MDM2: variants seen among roughly 807,000 people sequenced by gnomAD.
MDM2 encodes E3 ubiquitin-protein ligase Mdm2.
In MDM2, 11 loss-of-function variants were observed where a neutral mutation model predicts 64.3. That is an observed-to-expected ratio of 0.17 (90% CI 0.11 to 0.28). The LOEUF (loss-of-function observed/expected upper bound fraction) is 0.28, where lower values mean the gene tolerates loss of function less well. Ranked by LOEUF, MDM2 falls within the 10% of genes least tolerant of loss-of-function variation. MDM2 has a pLI of 1.00. For missense variants in MDM2, 388 were observed against 577.1 expected (o/e 0.67, Z 3.36); for synonymous variants, 194 against 192.9 (o/e 1.01, Z -0.05).
intron 4 of MDM2, 119 bp from the exon 5 acceptor site, chr12:68,820,206 G>T: frequency 1.5e-6 from 1 of 662,494 alleles, no homozygotes; most frequent in Non-Finnish European, 2.5e-6. Flanking sequence ...ATTTGGTTTT[G>T]AATGTGTGCA....
intron 4 of MDM2, 36 bp downstream of exon 4, chr12:68,816,981 C>T (rs1301652864): frequency 6.2e-7 from 1 of 1,603,222 alleles, no homozygotes; most frequent in South Asian, 1.1e-5. Flanking sequence ...AAAAAGCCAT[C>T]TGGGCTAACA....
intron 2 of MDM2, 75 bp downstream of exon 2, chr12:68,809,367 C>A: frequency 7.9e-7 from 1 of 1,271,488 alleles, no homozygotes; most frequent in South Asian, 1.2e-5. Flanking sequence ...TCGTATACCT[C>A]AATTGTAGCA....
downstream of MDM2, chr12:68,846,668 A>C (rs1884316309): frequency 6.6e-6 from 1 of 152,194 alleles, no homozygotes; most frequent in South Asian, 2.1e-4. Context: ...TTTGGATTTT[A>C]TCTCTGATGT....
chr12:68,832,192 A>G (rs377752587), intron 8 of MDM2, among the ~76,000 whole-genome samples: 17 of 152,144 alleles, frequency 1.1e-4, no homozygotes, highest in Admixed American at 7.2e-4. Context: ...TGTAGTCATC[A>G]TTGGGTGTCA....
At chr12:68,846,242 C>G (rs957576534), downstream of MDM2, 1 of 151,496 alleles carries the variant, frequency 6.6e-6, no homozygotes, top group African/African-American at 2.5e-5. Context: ...CGTGAGCCAC[C>G]GTGCCCGGCC....
intron 8 of MDM2, among the ~76,000 whole-genome samples, chr12:68,829,537 G>A (rs760454147): frequency 1.3e-5 from 2 of 152,034 alleles, no homozygotes; most frequent in South Asian, 2.1e-4. Flanking sequence ...AGGCTGAGGC[G>A]GGTGGATCAC....
intron 8 of MDM2, among the ~76,000 whole-genome samples, chr12:68,835,493 T>C (rs1883229767): frequency 6.6e-6 from 1 of 152,258 alleles, no homozygotes; most frequent in South Asian, 2.1e-4. Context: ...GTAGGTACTT[T>C]CGATGCCAAG....
In MDM2 at chr12:68,839,488, A is replaced by T. The variant is rs1883575145; in HGVS notation, c.1133A>T (p.Glu378Val). 6.2e-7 allele frequency: 1 copy of T among 1,614,054 alleles called. No homozygotes were observed. Among genetic ancestry groups the T allele is most frequent in the African/African-American group, 1.3e-5 (1 of 75,024 alleles). Residue 378 changes from glutamate (E) to valine (V), a missense_variant, in exon 11 of 11, where the codon GAG becomes GTG. Physicochemically the swap from Glu to Val is moderately radical, Grantham distance 121 (BLOSUM62 -2). Transcript: ENST00000258149. Reference sequence around the variant, plus strand: ...AAAACTATAGTGAATGATTCCAGAGAGTCATGTGTTGAGGAAAATGATGAT... The same window carrying T: ...AAAACTATAGTGAATGATTCCAGAGTGTCATGTGTTGAGGAAAATGATGAT... ...CKKTIVNDSR[E>V]SCVEENDDKI...
intron 3 of MDM2, among the ~76,000 whole-genome samples, chr12:68,814,139 G>A (rs1228353900): frequency 2.0e-5 from 3 of 152,112 alleles, no homozygotes; most frequent in African/African-American, 2.4e-5. Flanking sequence ...TGCAACCTCC[G>A]CCTCCTAGAT....
chr12:68,816,072 T>A (rs949832862), intron 3 of MDM2, among the ~76,000 whole-genome samples: 1 of 152,178 alleles, frequency 6.6e-6, no homozygotes, highest in Non-Finnish European at 1.5e-5. Flanking sequence ...TTTTTCTGTC[T>A]TCCTCCTCTG....
chr12:68,840,080 A>T lies in MDM2; in HGVS notation c.*231A>T. The stretch of plus-strand genomic sequence containing the variant: ...CAACTCCTAATTTTAAATAATTTCT[A>T]CTCTGTCTTAAATGAGAAGTACTTG... On this transcript the variant is annotated 3_prime_UTR_variant, in exon 11 of 11. Transcript: ENST00000258149. The T allele has an allele frequency of 4.3e-6, 2 of 464,240 alleles. No individual in the cohort carries two copies. Among genetic ancestry groups the T allele is most frequent in the Non-Finnish European group, 7.5e-6 (2 of 266,514 alleles). 28.8% of individuals were successfully genotyped at this position (464,240 alleles called of 1,614,324 possible). A position where few individuals can be genotyped will look rare whatever the true frequency, so the allele number is the denominator to read the frequency against.
In MDM2 at chr12:68,808,266, C is replaced by T; in HGVS notation, c.-212C>T. On this transcript the variant is annotated 5_prime_UTR_variant, in exon 1 of 11. Coordinates refer to ENST00000258149, the MANE Select transcript of MDM2 (RefSeq NM_002392.6). ...GGAAAGATGGAGCAAGAAGCCGAGC[C>T]CGAGGGGCGGCCGCGACCCCTCTGA... 6 of 610,522 alleles carry T rather than the reference C, an allele frequency of 9.8e-6. No individual in the cohort carries two copies. The highest frequency in any genetic ancestry group is 1.7e-5 in the Non-Finnish European group (6 of 347,770). The allele number at this position is 610,522 out of a possible 1,614,324, so 37.8% of individuals were successfully genotyped here.
chr12:68,818,970 G>A (rs1417615382), intron 4 of MDM2, among the ~76,000 whole-genome samples: 1 of 152,054 alleles, frequency 6.6e-6, no homozygotes, highest in Non-Finnish European at 1.5e-5. Context: ...GACTTCAAGT[G>A]ATCTGCCTGT....
rs996214975 is a variant in MDM2 at position 68,839,470 on chromosome 12, T to C, written c.1115T>C (p.Ile372Thr). ...GFDVPDCKKTIVNDSRESCVE... is the reference protein window; with the variant it reads ...GFDVPDCKKTTVNDSRESCVE... ...GATGTTCCTGATTGTAAAAAAACTA[T>C]AGTGAATGATTCCAGAGAGTCATGT... Residue 372 changes from isoleucine to threonine, a missense_variant, in exon 11 of 11, where the codon ATA becomes ACA. Ile to Thr is a moderately conservative substitution (Grantham distance 89). Around this residue, in one of 5 missense-constraint regions of MDM2, gnomAD observed 138 missense variants for 143.7 expected, o/e 0.96. Transcript: ENST00000258149. The C allele has an allele frequency of 2.5e-6, 4 of 1,613,856 alleles. No individual in the cohort carries two copies. The highest frequency in any genetic ancestry group is 1.3e-5 in the African/African-American group (1 of 74,956).
At chr12:68,820,395 A>G (rs564386941) in intron 5 of MDM2, 21 bp downstream of exon 5, 3 of 1,578,170 alleles carry the variant, frequency 1.9e-6, no homozygotes, top group South Asian at 1.1e-5. Flanking sequence ...TTTGAGCATC[A>G]TGGATAAATA....
chr12:68,817,726 G>A (rs1881502749), intron 4 of MDM2, among the ~76,000 whole-genome samples: 1 of 151,962 alleles, frequency 6.6e-6, no homozygotes, highest in Non-Finnish European at 1.5e-5. Flanking sequence ...CTGCACTCCA[G>A]CCTGGGCAAC....
intron 5 of MDM2, among the ~76,000 whole-genome samples, chr12:68,820,962 T>G (rs1314734549): frequency 6.6e-6 from 1 of 152,146 alleles, no homozygotes; most frequent in African/African-American, 2.4e-5. Flanking sequence ...AGCCCTGATT[T>G]ATGTGCTTGC....
intron 8 of MDM2, among the ~76,000 whole-genome samples, chr12:68,834,102 TTAATC>T (rs1487598063): frequency 6.6e-6 from 1 of 152,212 alleles, no homozygotes; most frequent in Non-Finnish European, 1.5e-5. Context: ...TGGAAATCAT[TTAATC>T]TAAGCTCCTT....
In MDM2 at chr12:68,828,780, C is replaced by T. The variant is rs764554024; in HGVS notation, c.533C>T (p.Ser178Leu). 1.4e-5 allele frequency: 22 copies of T among 1,613,484 alleles called. No homozygotes were observed. Among genetic ancestry groups the T allele is most frequent in the Admixed American group, 5.0e-5 (3 of 59,900 alleles). The change falls in exon 8 of 11, where the codon TCA (serine) becomes TTA (leucine). Residue 178 changes from serine to leucine, a missense_variant. Physicochemically the swap from Ser to Leu is moderately radical, Grantham distance 145. Around this residue, in one of 5 missense-constraint regions of MDM2, gnomAD observed 168 missense variants for 236.6 expected, o/e 0.71. Coordinates refer to ENST00000258149, the MANE Select transcript of MDM2 (RefSeq NM_002392.6). ...TTCCTTACATATCCAGAAGAAAATT[C>T]AGATGAATTATCTGGTGAACGACAA... ...RRAISETEENSDELSGERQRK... is the reference protein window; with the variant it reads ...RRAISETEENLDELSGERQRK...
Sources: allele counts gnomAD v4.1 joint callset (sites outside exome capture counted in the v4.1 genomes callset), GRCh38; gene constraint gnomAD v4.1.1; regional missense constraint gnomAD v4.1.1; transcripts MANE v1.5; gene names NCBI Gene and HGNC (gene_info 2026-07-23, HGNC 2026-07-21).